The following RSU1 variants were observed in gnomAD, a reference collection of about 807,000 sequenced individuals.
RSU1 encodes Ras suppressor protein 1, also known as rsu-1.
RSU1 carries 26 observed loss-of-function variants against 31.1 expected under a neutral mutation model. That is an observed-to-expected ratio of 0.84 (90% confidence interval 0.61 to 1.16). RSU1 has a LOEUF of 1.16. RSU1 is among the 50% of genes most tolerant of loss of function. RSU1 has a pLI of 0.00. For synonymous variants in RSU1, 164 were observed against 136.3 expected (o/e 1.20, Z -1.41); for missense variants, 320 against 339.1 (o/e 0.94, Z 0.44).
At chr10:16,610,751 G>A (rs1833879131) in intron 8 of RSU1, among the ~76,000 whole-genome samples, 1 of 152,130 alleles carries the variant, frequency 6.6e-6, no homozygotes, top group African/African-American at 2.4e-5. Flanking sequence ...TAAAGTGCTT[G>A]ACACATCCCA....
At chr10:16,783,884 GC>G (rs1411372700) in intron 2 of RSU1, among the ~76,000 whole-genome samples, 1 of 152,006 alleles carries the variant, frequency 6.6e-6, no homozygotes, top group African/African-American at 2.4e-5. Context: ...TCTAATCCTA[GC>G]CCCCATTCAA....
chr10:16,675,911 C>T (rs1005059273), intron 8 of RSU1, among the ~76,000 whole-genome samples: 1 of 152,134 alleles, frequency 6.6e-6, no homozygotes, highest in Non-Finnish European at 1.5e-5. Context: ...AGGGCTCATT[C>T]TTGGATGGGC....
At chr10:16,772,141 C>A (rs1273422112) in intron 3 of RSU1, among the ~76,000 whole-genome samples, 1 of 152,088 alleles carries the variant, frequency 6.6e-6, no homozygotes, top group Admixed American at 6.5e-5. Context: ...CTTTCACCAG[C>A]AATGTGAAAA....
At chr10:16,612,605 G>A (rs541549825) in intron 8 of RSU1, among the ~76,000 whole-genome samples, 32 of 152,260 alleles carry the variant, frequency 2.1e-4, no homozygotes, top group South Asian at 1.9e-3. Context: ...ATAATCTTAC[G>A]GTAACTCTGC....
chr10:16,715,717 A>G (rs1247436894), intron 7 of RSU1, among the ~76,000 whole-genome samples: 1 of 152,168 alleles, frequency 6.6e-6, no homozygotes, highest in Non-Finnish European at 1.5e-5. Flanking sequence ...AACTGTAGCA[A>G]GTTTGAAATC....
At chr10:16,692,918 G>T (rs979582694) in intron 8 of RSU1, among the ~76,000 whole-genome samples, 1 of 152,034 alleles carries the variant, frequency 6.6e-6, no homozygotes, top group African/African-American at 2.4e-5. Flanking sequence ...AGGAGGATAC[G>T]GTATCATTTT....
At chr10:16,710,260 T>A (rs928089474) in intron 7 of RSU1, among the ~76,000 whole-genome samples, 3 of 152,218 alleles carry the variant, frequency 2.0e-5, no homozygotes, top group African/African-American at 7.2e-5. Context: ...TCTACTGAAA[T>A]GATCATATTG....
chr10:16,753,733 A>T (rs939947547), intron 5 of RSU1, among the ~76,000 whole-genome samples: 2 of 152,174 alleles, frequency 1.3e-5, no homozygotes, highest in African/African-American at 4.8e-5. Context: ...ATCTTCAACC[A>T]AAAAAGCTGA....
intron 7 of RSU1, among the ~76,000 whole-genome samples, chr10:16,718,868 C>G (rs1162402005): frequency 2.0e-5 from 3 of 151,516 alleles, no homozygotes; most frequent in Admixed American, 2.0e-4. Context: ...GTAATCCCAG[C>G]TACTCGAAAG....
chr10:16,619,738 A>G (rs868635477), intron 8 of RSU1, among the ~76,000 whole-genome samples: 3 of 152,236 alleles, frequency 2.0e-5, no homozygotes, highest in South Asian at 2.1e-4. Flanking sequence ...TTTGGCAGTT[A>G]TGTTAGCTAT....
chr10:16,654,396 G>A (rs1409210501), intron 8 of RSU1, among the ~76,000 whole-genome samples: 1 of 149,770 alleles, frequency 6.7e-6, no homozygotes, highest in Non-Finnish European at 1.5e-5. Flanking sequence ...TTGGCCAGGT[G>A]TGGTGGCTCA....
chr10:16,686,690 G>T (rs1835445734), intron 8 of RSU1, among the ~76,000 whole-genome samples: 1 of 152,164 alleles, frequency 6.6e-6, no homozygotes, highest in Non-Finnish European at 1.5e-5. Flanking sequence ...AATCAAGTGA[G>T]GGGGATGGAG....
chr10:16,652,384 C>A (rs1423461947), intron 8 of RSU1, among the ~76,000 whole-genome samples: 1 of 132,170 alleles, frequency 7.6e-6, no homozygotes, highest in Non-Finnish European at 1.6e-5. Flanking sequence ...GATTCACCTG[C>A]CCCAAAGCAA....
At chr10:16,757,343 T>G (rs1837117128) in intron 4 of RSU1, among the ~76,000 whole-genome samples, 1 of 151,964 alleles carries the variant, frequency 6.6e-6, no homozygotes. Context: ...CCTAACACAT[T>G]CAGCTCCATC....
chr10:16,782,149 G>T, intron 2 of RSU1, 65 bp from the exon 3 acceptor site: 1 of 1,319,026 alleles, frequency 7.6e-7, no homozygotes, highest in Non-Finnish European at 1.1e-6. Context: ...GATTCTACCT[G>T]TACTCCTACA....
In RSU1 at chr10:16,674,962, G is replaced by A. The variant is rs370568958; in HGVS notation, c.731+20061C>T. On this transcript the variant is annotated intron_variant, in intron 8 of 8. Coordinates refer to ENST00000345264, the MANE Select transcript of RSU1 (RefSeq NM_012425.4). ...GCAGGAGCATCTTTTGAACCTGGGA[G>A]GCGGAGGTTGCAGTGAGCCAAGACT... Among the ~76,000 whole-genome samples the A allele has an allele frequency of 6.6e-5, 10 of 152,174 alleles. No individual in the cohort carries two copies. In the East Asian group the frequency reaches 1.5e-3, roughly 23 times the overall value.
At chr10:16,606,263 T>A (rs1833802434) in intron 8 of RSU1, among the ~76,000 whole-genome samples, 2 of 152,180 alleles carry the variant, frequency 1.3e-5, no homozygotes, top group Admixed American at 1.3e-4. Context: ...TTGAAGATAG[T>A]AATTTATAAG....
At chr10:16,764,538 A>G (rs1837275547) in intron 3 of RSU1, 28 bp from the exon 4 acceptor site, 1 of 1,602,242 alleles carries the variant, frequency 6.2e-7, no homozygotes, top group Admixed American at 1.7e-5. Flanking sequence ...CTGAGTGTGA[A>G]TCTGGGAATG....
intron 8 of RSU1, among the ~76,000 whole-genome samples, chr10:16,692,158 C>G (rs113660341): frequency 2.6e-5 from 4 of 152,174 alleles, no homozygotes; most frequent in Non-Finnish European, 5.9e-5. Context: ...GCTTAGACTA[C>G]GCCAACCCCC....
Sources: allele counts gnomAD v4.1 joint callset (sites outside exome capture counted in the v4.1 genomes callset), GRCh38; gene constraint gnomAD v4.1.1; transcripts MANE v1.5; gene names NCBI Gene and HGNC (gene_info 2026-07-23, HGNC 2026-07-21).